The following SHE variants were observed in gnomAD, a reference collection of about 807,000 sequenced individuals.
SHE encodes the protein Src homology 2 domain containing E, also known as SH2 domain-containing adapter protein E.
In SHE, 11 loss-of-function variants were observed where a neutral mutation model predicts 49.8. That is an observed-to-expected ratio of 0.22 (90% CI 0.14 to 0.37). SHE has a LOEUF of 0.37. Among genes scored for constraint, SHE ranks in the 10% least tolerant of loss-of-function variants. The pLI, the probability that SHE is intolerant of heterozygous loss-of-function variation, is 1.00. For missense variants in SHE, 624 were observed against 655.5 expected (o/e 0.95, Z 0.52); for synonymous variants, 310 against 278.1 (o/e 1.11, Z -1.14).
In SHE at chr1:154,482,650, C is replaced by T. The variant is rs1160392073; in HGVS notation, c.*1499G>A. On this transcript the variant is annotated 3_prime_UTR_variant, in exon 6 of 6. Transcript: ENST00000304760. ...ATCTGCTGAATTTTAATTCTGGAGC[C>T]ATTCACCATAGTACTCTTCTCACAG... is the stretch of plus-strand genomic sequence containing the variant. 9.1e-6 allele frequency: 9 copies of T among 985,314 alleles called. No individual in the cohort carries two copies. Among genetic ancestry groups the T allele is most frequent in the Non-Finnish European group, 1.1e-5 (9 of 829,942 alleles). 61.0% of individuals were successfully genotyped at this position (985,314 alleles called of 1,614,324 possible).
rs917023953 is a variant in SHE at position 154,482,388 on chromosome 1, C to T, written c.*1761G>A. The stretch of plus-strand genomic sequence containing the variant: ...CTTAAATTTTTAAAATCAAAGATCA[C>T]ACAACCTTTTGGCTGAGATCTTATC... On this transcript the variant is annotated 3_prime_UTR_variant, in exon 6 of 6. Transcript: ENST00000304760. 54 of 985,254 alleles carry T rather than the reference C, an allele frequency of 5.5e-5. 1 individual carries two copies. The highest frequency in any genetic ancestry group is 6.5e-5 in the Non-Finnish European group (54 of 829,918). 61.0% of individuals were successfully genotyped at this position (985,254 alleles called of 1,614,324 possible). A position where few individuals can be genotyped will look rare whatever the true frequency, so the allele number is the denominator to read the frequency against.
Position 154,483,935 on chromosome 1 carries a change from T to G in SHE, c.*214A>C. On this transcript the variant is annotated 3_prime_UTR_variant, in exon 6 of 6. Coordinates refer to ENST00000304760, the MANE Select transcript of SHE (RefSeq NM_001010846.3). ...ACTGCTTGAACCCAGGAGTCAGATG[T>G]TGCAGTGAGCCAAGATTGCGCCATT... The G allele has an allele frequency of 2.3e-6, 3 of 1,318,510 alleles. No homozygotes were observed. Among genetic ancestry groups the G allele is most frequent in the Non-Finnish European group, 2.0e-6 (2 of 1,021,728 alleles). 81.7% of individuals were successfully genotyped at this position (1,318,510 alleles called of 1,614,324 possible).
At position 154,484,051 on chromosome 1, in the gene SHE, T is replaced by C. The variant is rs187288828; in HGVS notation, c.*98A>G. On this transcript the variant is annotated 3_prime_UTR_variant, in exon 6 of 6. Transcript: ENST00000304760. ...CTTTTCAAGGAAGACTCCCATTTTC[T>C]AGCAGTTGCTAGTCCAGCCTTGTCC... 2,603 of 1,482,384 alleles carry C rather than the reference T, an allele frequency of 1.8e-3. 6 individuals are homozygous for C. The highest frequency in any genetic ancestry group is 2.1e-3 in the Non-Finnish European group (2,393 of 1,114,092). The allele number at this position is 1,482,384 out of a possible 1,614,324, so 91.8% of individuals were successfully genotyped here.
chr1:154,481,321 C>T lies in SHE; in HGVS notation c.*2828G>A. Reference sequence around the variant, plus strand: ...CCACCTCTGACTTCCCACTAATTTACTATATTTCTTCTTATAACCTCCTGT... The same window carrying T: ...CCACCTCTGACTTCCCACTAATTTATTATATTTCTTCTTATAACCTCCTGT... On this transcript the variant is annotated 3_prime_UTR_variant, in exon 6 of 6. Coordinates refer to ENST00000304760, the MANE Select transcript of SHE (RefSeq NM_001010846.3). 1.0e-6 allele frequency: 1 copy of T among 985,438 alleles called. No homozygotes were observed. The allele number at this position is 985,438 out of a possible 1,614,324, so 61.0% of individuals were successfully genotyped here.
In SHE at chr1:154,502,001, G is replaced by A; in HGVS notation, c.26C>T (p.Ala9Val). The part of the protein sequence containing the change: MQWSPTPG[A>V]SACLGWASSL... Reference sequence around the variant, plus strand: ...GGAAGCCCAGCCCAGACACGCAGAGGCGCCAGGGGTCGGGGACCACTGCAT... The same window carrying A: ...GGAAGCCCAGCCCAGACACGCAGAGACGCCAGGGGTCGGGGACCACTGCAT... Residue 9 changes from alanine (A) to valine (V), a missense_variant, in exon 1 of 6, where the codon GCC becomes GTC. Around this residue, in one of 4 missense-constraint regions of SHE, gnomAD observed 337 missense variants for 306.0 expected, o/e 1.10. Coordinates refer to ENST00000304760, the MANE Select transcript of SHE (RefSeq NM_001010846.3). The A allele has an allele frequency of 7.2e-7, 1 of 1,390,260 alleles. No homozygotes were observed. The highest frequency in any genetic ancestry group is 9.3e-7 in the Non-Finnish European group (1 of 1,080,948). The allele number at this position is 1,390,260 out of a possible 1,614,324, so 86.1% of individuals were successfully genotyped here.
chr1:154,489,336 T>G lies in SHE; in HGVS notation c.739A>C (p.Lys247Gln). The G allele has an allele frequency of 1.7e-5, 27 of 1,613,376 alleles. No homozygotes were observed. Among genetic ancestry groups the G allele is most frequent in the Non-Finnish European group, 2.0e-5 (24 of 1,179,644 alleles). Residue 247 changes from lysine (K) to glutamine (Q), a missense_variant, in exon 3 of 6, where the codon AAA becomes CAA. Lys to Gln is a moderately conservative substitution (Grantham distance 53). Around this residue, in one of 4 missense-constraint regions of SHE, gnomAD observed 155 missense variants for 142.0 expected, o/e 1.09. Transcript: ENST00000304760. ...TGGAGAGCCTTCACCAGGGGATCTT[T>G]GGAACCCCGTCGTCTAATTTCTGAA... ...MITEIRRRGS[K>Q]DPLVKALQLL... is the part of the protein sequence containing the mutation.
At chr1:154,492,485 C>T (rs529462538) in intron 2 of SHE, among the ~76,000 whole-genome samples, 10 of 152,276 alleles carry the variant, frequency 6.6e-5, no homozygotes, top group African/African-American at 1.9e-4. Context: ...ATGTAAGAGT[C>T]GGAAGAACTG....
rs369655833 is a variant in SHE at position 154,484,172 on chromosome 1, G to A, written c.1465C>T (p.Pro489Ser). The change falls in exon 6 of 6, where the codon CCA becomes TCA. Residue 489 changes from proline (P) to serine (S), a missense_variant. Coordinates refer to ENST00000304760, the MANE Select transcript of SHE (RefSeq NM_001010846.3). The stretch of plus-strand genomic sequence containing the variant: ...TCTTAGTGAAGCTTGCTGTGCACTG[G>A]GTAGAGTAAAGTCATGTGTTCTGCC... ...KGAEHMTLLYPVHSKLH is the reference protein window; with the variant it reads ...KGAEHMTLLYSVHSKLH 1.2e-6 allele frequency: 2 copies of A among 1,613,982 alleles called. No individual in the cohort carries two copies. Among genetic ancestry groups the A allele is most frequent in the Non-Finnish European group, 1.7e-6 (2 of 1,180,002 alleles).
rs12043246 is a variant in SHE at position 154,489,204 on chromosome 1, C to T, written c.871G>A (p.Asp291Asn). 242 of 1,614,174 alleles carry T rather than the reference C, an allele frequency of 1.5e-4. 5 individuals carry two copies. The South Asian group carries it at 1.6e-3, about 10-fold the overall frequency. ...CCTTCTGCAGGCTCGTAGGGAGTGT[C>T]GTATAGCTGTGGCGGCTTCCCCAGG... ...DLLGKPPQLY[D>N]TPYEPAEGGP... The change falls in exon 3 of 6, where the codon GAC becomes AAC. Residue 291 changes from aspartate to asparagine, a missense_variant. Asp to Asn is a conservative substitution (Grantham distance 23). This residue lies in a region of SHE where 155 missense variants were observed against 142.0 expected (regional missense o/e 1.09). Coordinates refer to ENST00000304760, the MANE Select transcript of SHE (RefSeq NM_001010846.3).
chr1:154,489,511 G>C (rs1319893162), intron 2 of SHE, among the ~76,000 whole-genome samples, 155 bp from the exon 3 acceptor site: 3 of 152,202 alleles, frequency 2.0e-5, no homozygotes, highest in Non-Finnish European at 4.4e-5. Flanking sequence ...TCCCTGATAG[G>C]TTGATTACTT....
chr1:154,482,541 G>T lies in SHE; in HGVS notation c.*1608C>A. On this transcript the variant is annotated 3_prime_UTR_variant, in exon 6 of 6. Transcript: ENST00000304760. Reference sequence around the variant, plus strand: ...TTGTGTGTATTTATAAGCTACAAAGGTTAACTTTTCATTGATGACAGTCAG... The same window carrying T: ...TTGTGTGTATTTATAAGCTACAAAGTTTAACTTTTCATTGATGACAGTCAG... 1 of 985,402 alleles carries T rather than the reference G, an allele frequency of 1.0e-6. No homozygotes were observed. Among genetic ancestry groups the T allele is most frequent in the Non-Finnish European group, 1.2e-6 (1 of 829,934 alleles). The allele number at this position is 985,402 out of a possible 1,614,324, so 61.0% of individuals were successfully genotyped here. A position where few individuals can be genotyped will look rare whatever the true frequency, so the allele number is the denominator to read the frequency against.
At position 154,480,379 on chromosome 1, in the gene SHE, A is replaced by T; in HGVS notation, c.*3770T>A. On this transcript the variant is annotated 3_prime_UTR_variant, in exon 6 of 6. Coordinates refer to ENST00000304760, the MANE Select transcript of SHE (RefSeq NM_001010846.3). ...AGGGCATCTGACAGAACAGAAACTAACCCCACTTAACCCGCAACTGAAGAA... is the reference window on the plus strand; with the variant it reads ...AGGGCATCTGACAGAACAGAAACTATCCCCACTTAACCCGCAACTGAAGAA... 1 of 985,422 alleles carries T rather than the reference A, an allele frequency of 1.0e-6. No homozygotes were observed. The highest frequency in any genetic ancestry group is 1.2e-6 in the Non-Finnish European group (1 of 829,940). 61.0% of individuals were successfully genotyped at this position (985,422 alleles called of 1,614,324 possible).
rs1336115368 is a variant in SHE, at chr1:154,501,730, C to T, written c.297G>A (p.Lys99=). 6.3e-7 allele frequency: 1 copy of T among 1,590,746 alleles called. No individual in the cohort carries two copies. The highest frequency in any genetic ancestry group is 8.5e-7 in the Non-Finnish European group (1 of 1,171,856). ...LGSGRAGVGP[K]DSRLSRDSLQ... ...GGCTGTCGCGGGACAGCCGGCTGTC[C>T]TTGGGGCCGACGCCGGCCCTGCCGC... Residue 99 remains lysine, a synonymous_variant, in exon 1 of 6, where the codon AAG becomes AAA. Transcript: ENST00000304760.
At chr1:154,493,292 C>A (rs1210846101) in intron 2 of SHE, among the ~76,000 whole-genome samples, 3 of 152,238 alleles carry the variant, frequency 2.0e-5, no homozygotes, top group African/African-American at 7.2e-5. Context: ...AGGGGAGTAA[C>A]CTTCCAGTCC....
chr1:154,486,746 G>A, intron 3 of SHE, 63 bp from the exon 4 acceptor site: 1 of 1,571,448 alleles, frequency 6.4e-7, no homozygotes, highest in Admixed American at 1.8e-5. Flanking sequence ...ACTTCAAAGG[G>A]AAAAAACCTC....
rs1264238221 is a variant in SHE at position 154,501,892 on chromosome 1, G to T, written c.135C>A (p.Phe45Leu). 4 of 1,524,972 alleles carry T rather than the reference G, an allele frequency of 2.6e-6. No individual in the cohort carries two copies. In the South Asian group the frequency reaches 4.8e-5, roughly 18 times the overall value. The allele number at this position is 1,524,972 out of a possible 1,614,324, so 94.5% of individuals were successfully genotyped here. The change falls in exon 1 of 6, where the codon TTC (phenylalanine) becomes TTA (leucine). Residue 45 changes from phenylalanine to leucine, a missense_variant. By Grantham distance (22) the Phe-to-Leu change is conservative (BLOSUM62 0). Coordinates refer to ENST00000304760, the MANE Select transcript of SHE (RefSeq NM_001010846.3). ...CCGACACGGTCTTCAGGTTCAGGGG[G>T]AACTCCTTGAACCACTTGGCCGCCA... ...PLMAAKWFKEFPLNLKTVSER... is the reference protein window; with the variant it reads ...PLMAAKWFKELPLNLKTVSER...
chr1:154,480,161 C>A lies in SHE; in HGVS notation c.*3988G>T. The A allele has an allele frequency of 1.0e-6, 1 of 985,386 alleles. No homozygotes were observed. The highest frequency in any genetic ancestry group is 1.2e-6 in the Non-Finnish European group (1 of 829,938). 61.0% of individuals were successfully genotyped at this position (985,386 alleles called of 1,614,324 possible). On this transcript the variant is annotated 3_prime_UTR_variant, in exon 6 of 6. Transcript: ENST00000304760. ...TGAGAATACAGAAGAGTGATTCTAA[C>A]CAGGTCATAAGGCCAAACTAGTGCT...
intron 2 of SHE, among the ~76,000 whole-genome samples, chr1:154,495,852 A>G (rs1692514067): frequency 6.6e-6 from 1 of 152,230 alleles, no homozygotes; most frequent in South Asian, 2.1e-4. Flanking sequence ...ACCGGTAGAA[A>G]AAAGGCAATG....
chr1:154,488,553 C>T (rs945470366), intron 3 of SHE, among the ~76,000 whole-genome samples: 5 of 151,336 alleles, frequency 3.3e-5, no homozygotes, highest in African/African-American at 4.9e-5. Context: ...CCACTGTGCC[C>T]GGCTTGGTTA....
Sources: gnomAD v4.1 joint callset for allele counts (sites outside exome capture counted in the v4.1 genomes callset) on GRCh38, gnomAD v4.1.1 for gene constraint, gnomAD v4.1.1 regional missense constraint, MANE v1.5 for transcripts, NCBI Gene and HGNC (gene_info 2026-07-23, HGNC 2026-07-21) for gene names.